The following WDR59 variants were observed in gnomAD, a reference collection of about 807,000 sequenced individuals.
WDR59 encodes the protein GATOR2 complex protein WDR59.
A neutral mutation model predicts 131.2 loss-of-function variants in WDR59; 100 were observed. That is an observed-to-expected ratio of 0.76 (90% CI 0.65 to 0.90). The LOEUF (loss-of-function observed/expected upper bound fraction) is 0.90, where lower values mean the gene tolerates loss of function less well. WDR59 is among the 40% of genes least tolerant of loss of function. The probability of loss-of-function intolerance (pLI) is 0.00; values close to 1 mark genes in which losing one functional copy is unlikely to be tolerated. For missense variants in WDR59, 1,203 were observed against 1,262.2 expected, an observed-to-expected ratio of 0.95 and a Z score of 0.71; for synonymous variants, 601 against 466.2, an observed-to-expected ratio of 1.29 and a Z score of -3.72.
At chr16:74,927,626 T>TA (rs1567728461) in intron 8 of WDR59, among the ~76,000 whole-genome samples, 1 of 108,104 alleles carries the variant, frequency 9.3e-6, no homozygotes, top group South Asian at 3.1e-4. Flanking sequence ...AGGAAGAAAA[T>TA]AAAAAAATAA....
At chr16:74,954,282 C>A (rs2033169245) in intron 3 of WDR59, among the ~76,000 whole-genome samples, 1 of 151,968 alleles carries the variant, frequency 6.6e-6, no homozygotes, top group South Asian at 2.1e-4. Flanking sequence ...ATCATGTGTG[C>A]TTGTAATCCC....
intron 7 of WDR59, among the ~76,000 whole-genome samples, chr16:74,941,051 G>A (rs911746515): frequency 4.6e-5 from 7 of 151,706 alleles, no homozygotes; most frequent in African/African-American, 1.7e-4. Flanking sequence ...TCACTAGTTA[G>A]GAAATAAAGA....
At chr16:74,887,080 T>C in intron 23 of WDR59, among the ~76,000 whole-genome samples, 1 of 152,202 alleles carries the variant, frequency 6.6e-6, no homozygotes, top group Non-Finnish European at 1.5e-5. Flanking sequence ...ACCACACTCC[T>C]GCACACAAAG....
At chr16:74,955,610 G>T (rs2033250706) in intron 3 of WDR59, among the ~76,000 whole-genome samples, 1 of 152,120 alleles carries the variant, frequency 6.6e-6, no homozygotes, top group African/African-American at 2.4e-5. Flanking sequence ...CTCTATTTTG[G>T]AAATAGCTGG....
intron 8 of WDR59, among the ~76,000 whole-genome samples, chr16:74,936,338 GA>G (rs1200641343): frequency 1.3e-5 from 2 of 151,820 alleles, no homozygotes; most frequent in African/African-American, 4.8e-5. Flanking sequence ...TATATATAAA[GA>G]AAAAATATAT....
At chr16:74,973,096 C>A (rs1439749817) in intron 1 of WDR59, among the ~76,000 whole-genome samples, 1 of 152,084 alleles carries the variant, frequency 6.6e-6, no homozygotes, top group South Asian at 2.1e-4. Flanking sequence ...AAAAAATTAG[C>A]CAGGTGTTGT....
In WDR59 at chr16:74,952,445, C is replaced by CAAAAAAAA. The variant is rs61448932; in HGVS notation, c.241-910_241-903dup. On this transcript the variant is annotated intron_variant, in intron 3 of 25. Coordinates refer to ENST00000262144, the MANE Select transcript of WDR59 (RefSeq NM_030581.4). ...TGACACAGCAAGACCCCATCTCAAA[C>CAAAAAAAA]AAAAAAAAAAAAAAAAAAAAAGAAA... Among the ~76,000 whole-genome samples, 7 of 62,696 alleles carry CAAAAAAAA rather than the reference C, an allele frequency of 1.1e-4. 1 individual carries two copies. Among genetic ancestry groups the CAAAAAAAA allele is most frequent in the East Asian group, 1.1e-3 (2 of 1,864 alleles). 41.1% of individuals were successfully genotyped at this position (62,696 alleles called of 152,430 possible). A position where few individuals can be genotyped will look rare whatever the true frequency, so the allele number is the denominator to read the frequency against.
intron 11 of WDR59, among the ~76,000 whole-genome samples, chr16:74,917,101 G>C (rs2144973801): frequency 6.6e-6 from 1 of 152,260 alleles, no homozygotes; most frequent in Non-Finnish European, 1.5e-5. Context: ...AAGAAATTTA[G>C]CCATCAAATG....
rs10626995 is a variant in WDR59, at chr16:74,964,379, C to CAA, written c.104+1392_104+1393dup. On this transcript the variant is annotated intron_variant, in intron 2 of 25. Transcript: ENST00000262144. Reference sequence around the variant, plus strand: ...GGGCAACAAGAGCGAAACATCATCTCAAAAAAAAAAAAGAGCAGGGAGCTG... The same window carrying CAA: ...GGGCAACAAGAGCGAAACATCATCTCAAAAAAAAAAAAAAGAGCAGGGAGCTG... 2.1e-4 allele frequency among the ~76,000 whole-genome samples: 30 copies of CAA among 141,972 alleles called. 1 individual carries two copies. Among genetic ancestry groups the CAA allele is most frequent in the Admixed American group, 9.1e-4 (13 of 14,256 alleles). 93.1% of individuals were successfully genotyped at this position (141,972 alleles called of 152,430 possible). A position where few individuals can be genotyped will look rare whatever the true frequency, so the allele number is the denominator to read the frequency against.
chr16:74,949,869 C>T (rs2032891646), intron 4 of WDR59, 71 bp from the exon 5 acceptor site: 6 of 1,381,912 alleles, frequency 4.3e-6, no homozygotes, highest in African/African-American at 1.4e-5. Context: ...AGCACTAGCA[C>T]ATCGAGTCTC....
At chr16:74,906,697 G>A (rs769281806) in intron 17 of WDR59, among the ~76,000 whole-genome samples, 1 of 152,168 alleles carries the variant, frequency 6.6e-6, no homozygotes, top group Non-Finnish European at 1.5e-5. Context: ...CAGCAATGTG[G>A]ATCAATGTCA....
chr16:74,950,817 T>C (rs1400364876), intron 4 of WDR59, among the ~76,000 whole-genome samples: 2 of 152,046 alleles, frequency 1.3e-5, no homozygotes, highest in African/African-American at 2.4e-5. Flanking sequence ...CCACTGATCA[T>C]GAACTGGGGG....
intron 1 of WDR59, among the ~76,000 whole-genome samples, chr16:74,966,475 A>G (rs1287711463): frequency 1.3e-5 from 2 of 152,172 alleles, no homozygotes; most frequent in Non-Finnish European, 1.5e-5. Context: ...CTGAGACTCC[A>G]TCTCAAAAAA....
chr16:74,909,266 C>G (rs2303251), intron 16 of WDR59, among the ~76,000 whole-genome samples: 95,673 of 151,622 alleles, frequency 0.63, 30,236 homozygotes, highest in East Asian at 0.71. Context: ...AGTAAAGACT[C>G]AAATCCAAGC....
At chr16:74,983,472 C>CA (rs879938236) in intron 1 of WDR59, among the ~76,000 whole-genome samples, 10 of 149,142 alleles carry the variant, frequency 6.7e-5, no homozygotes, top group South Asian at 2.1e-4. Flanking sequence ...GACTCTGTCT[C>CA]AAAAAAAAAG....
intron 18 of WDR59, among the ~76,000 whole-genome samples, chr16:74,903,484 C>G (rs1597675331): frequency 1.7e-5 from 2 of 120,326 alleles, no homozygotes; most frequent in African/African-American, 5.9e-5. Context: ...TCCATGTAGA[C>G]TTAGTATAAA....
chr16:74,918,151 C>T, intron 10 of WDR59, 143 bp from the exon 11 acceptor site: 1 of 719,138 alleles, frequency 1.4e-6, no homozygotes, highest in South Asian at 1.7e-5. Flanking sequence ...ATTCTAGGTA[C>T]CAGGACTACA....
In WDR59 at chr16:74,949,697, AT is replaced by A; in HGVS notation, c.407+20del. 4 of 1,610,486 alleles carry A rather than the reference AT, an allele frequency of 2.5e-6. No homozygotes were observed. The highest frequency in any genetic ancestry group is 3.4e-6 in the Non-Finnish European group (4 of 1,177,454). On this transcript the variant is annotated intron_variant, in intron 5 of 25. Coordinates refer to ENST00000262144, the MANE Select transcript of WDR59 (RefSeq NM_030581.4). ...CCAAATCACCCCCAACCAAGTGGTT[AT>A]GCCTCCTAATTGTTCTTACTTGATA...
intron 7 of WDR59, among the ~76,000 whole-genome samples, chr16:74,938,680 G>A (rs2031991881): frequency 6.6e-6 from 1 of 152,082 alleles, no homozygotes; most frequent in Non-Finnish European, 1.5e-5. Flanking sequence ...GGGACTACAG[G>A]TGCACACCAC....
Sources: allele counts gnomAD v4.1 joint callset (sites outside exome capture counted in the v4.1 genomes callset), GRCh38; gene constraint gnomAD v4.1.1; transcripts MANE v1.5; gene names NCBI Gene and HGNC (gene_info 2026-07-23, HGNC 2026-07-21).